INVS: variants seen among roughly 807,000 people sequenced by gnomAD.
The protein encoded by INVS is inversion of embryo turning homolog.
In INVS, 86 loss-of-function variants were observed where a neutral mutation model predicts 108.8. The observed-to-expected ratio is 0.79, with a 90% CI of 0.66 to 0.95. The LOEUF is 0.95. Among genes scored for constraint, INVS ranks in the 40% least tolerant of loss-of-function variants. The pLI, the probability that INVS is intolerant of heterozygous loss-of-function variation, is 0.00. For missense variants in INVS, 1,169 were observed against 1,297.4 expected (o/e 0.90, Z 1.52); for synonymous variants, 455 against 473.5 (o/e 0.96, Z 0.51).
intron 3 of INVS, among the ~76,000 whole-genome samples, chr9:100,195,421 A>G (rs749357884): frequency 2.6e-5 from 4 of 152,110 alleles, no homozygotes; most frequent in African/African-American, 4.8e-5. Flanking sequence ...GGCTCAAGCA[A>G]TACTCCCACC....
At chr9:100,256,158 C>T (rs1393230080) in intron 10 of INVS, among the ~76,000 whole-genome samples, 3 of 152,036 alleles carry the variant, frequency 2.0e-5, no homozygotes, top group African/African-American at 7.2e-5. Context: ...TATGTGTGTC[C>T]AGGAATTTAT....
At chr9:100,118,806 G>A (rs913423829) in intron 2 of INVS, among the ~76,000 whole-genome samples, 2 of 151,966 alleles carry the variant, frequency 1.3e-5, no homozygotes, top group Admixed American at 1.3e-4. Flanking sequence ...AATTACAGGT[G>A]CCCACCACCA....
chr9:100,218,436 C>T (rs867868423), intron 3 of INVS, among the ~76,000 whole-genome samples: 9 of 152,088 alleles, frequency 5.9e-5, no homozygotes, highest in African/African-American at 2.2e-4. Flanking sequence ...TTAAAGTAAT[C>T]GTCTCAGCTG....
chr9:100,259,934 C>T (rs1353291639), intron 10 of INVS, among the ~76,000 whole-genome samples: 1 of 151,904 alleles, frequency 6.6e-6, no homozygotes, highest in Admixed American at 6.6e-5. Context: ...TGCAGTGGCA[C>T]CATCTCTGCC....
chr9:100,120,773 T>C (rs990270672), intron 2 of INVS: 1 of 152,224 alleles, frequency 6.6e-6, no homozygotes, highest in Non-Finnish European at 1.5e-5. Context: ...AATCAAGTTA[T>C]CAAGGTTCTT....
chr9:100,102,640 G>A (rs1827034098), intron 1 of INVS: 1 of 152,302 alleles, frequency 6.6e-6, no homozygotes, highest in African/African-American at 2.4e-5. Flanking sequence ...GGAGTTTCAG[G>A]CTGTAGTGCG....
chr9:100,269,537 A>C (rs1320078150), intron 11 of INVS, among the ~76,000 whole-genome samples: 1 of 152,184 alleles, frequency 6.6e-6, no homozygotes, highest in Non-Finnish European at 1.5e-5. Flanking sequence ...TCCCAAACTC[A>C]GTTTCCTTAC....
chr9:100,148,628 G>A (rs879342181), intron 3 of INVS, among the ~76,000 whole-genome samples: 1 of 152,156 alleles, frequency 6.6e-6, no homozygotes, highest in Non-Finnish European at 1.5e-5. Context: ...ATTAGCACAG[G>A]AGAAGAGGCA....
intron 13 of INVS, among the ~76,000 whole-genome samples, chr9:100,288,334 G>GTTCCT (rs1342793101): frequency 6.6e-6 from 1 of 152,156 alleles, no homozygotes; most frequent in Non-Finnish European, 1.5e-5. Flanking sequence ...TGGGGCCCCA[G>GTTCCT]AGGCTTCTTT....
intron 10 of INVS, among the ~76,000 whole-genome samples, chr9:100,258,387 C>A (rs917596805): frequency 6.6e-6 from 1 of 152,186 alleles, no homozygotes; most frequent in African/African-American, 2.4e-5. Flanking sequence ...AATTACCGAT[C>A]GTCTGAAGCC....
intron 3 of INVS, among the ~76,000 whole-genome samples, chr9:100,201,476 TAC>T (rs1280996374): frequency 2.0e-5 from 3 of 152,130 alleles, no homozygotes; most frequent in African/African-American, 7.2e-5. Flanking sequence ...TCCAAACAAG[TAC>T]AAGGAGAAAG....
chr9:100,147,739 T>G (rs1828664034), intron 3 of INVS, among the ~76,000 whole-genome samples: 2 of 152,088 alleles, frequency 1.3e-5, no homozygotes. Flanking sequence ...TATGGTACAT[T>G]TATACAATGG....
At chr9:100,191,793 C>T (rs1293466167) in intron 3 of INVS, among the ~76,000 whole-genome samples, 4 of 152,190 alleles carry the variant, frequency 2.6e-5, no homozygotes, top group African/African-American at 9.6e-5. Flanking sequence ...CTGGTTCCTT[C>T]TCACTTGGGT....
At position 100,292,334 on chromosome 9, in the gene INVS, AGAG is replaced by A; in HGVS notation, c.2078_2080del (p.Arg693_Glu694delinsLys). ...TTCTTTGTTTCCTCAAGAAACAGCC[AGAG>A]AACATTCTAAAGGCCAATCTGCTTG... On this transcript the variant is annotated inframe_deletion, in exon 14 of 17. Coordinates refer to ENST00000262457, the MANE Select transcript of INVS (RefSeq NM_014425.5). 1 of 1,613,780 alleles carries A rather than the reference AGAG, an allele frequency of 6.2e-7. No individual in the cohort carries two copies. The highest frequency in any genetic ancestry group is 8.5e-7 in the Non-Finnish European group (1 of 1,179,632).
intron 3 of INVS, among the ~76,000 whole-genome samples, chr9:100,192,956 A>G (rs10989007): frequency 0.19 from 28,867 of 150,636 alleles, 4,404 homozygotes; most frequent in African/African-American, 0.43. Flanking sequence ...ATTTCAGATT[A>G]GATTACCTAT....
chr9:100,185,753 C>G (rs1437615338), intron 3 of INVS, among the ~76,000 whole-genome samples: 2 of 151,770 alleles, frequency 1.3e-5, no homozygotes, highest in African/African-American at 4.8e-5. Context: ...ACTCTGTATG[C>G]CTTTGCATAA....
chr9:100,114,698 G>A (rs1438828810), intron 2 of INVS, among the ~76,000 whole-genome samples: 2 of 152,160 alleles, frequency 1.3e-5, no homozygotes, highest in Non-Finnish European at 2.9e-5. Flanking sequence ...GAGCCACTGT[G>A]CCTGGTGAAG....
intron 2 of INVS, among the ~76,000 whole-genome samples, chr9:100,114,321 G>A (rs1487600943): frequency 7.0e-6 from 1 of 143,820 alleles, no homozygotes; most frequent in South Asian, 2.3e-4. Context: ...TGTCTCTATA[G>A]TTTTAACTTT....
chr9:100,184,745 CAA>C (rs1409345855), intron 3 of INVS, among the ~76,000 whole-genome samples: 1 of 151,918 alleles, frequency 6.6e-6, no homozygotes, highest in Non-Finnish European at 1.5e-5. Context: ...GGGGAGCACT[CAA>C]AGAGATCTTT....
Sources: gnomAD v4.1 joint callset for allele counts (sites outside exome capture counted in the v4.1 genomes callset) on GRCh38, gnomAD v4.1.1 for gene constraint, MANE v1.5 for transcripts, NCBI Gene and HGNC (gene_info 2026-07-23, HGNC 2026-07-21) for gene names.